The following MKLN1 variants were observed in gnomAD, a reference collection of about 807,000 sequenced individuals.
MKLN1 encodes the protein muskelin 1, also known as muskelin.
Under a neutral mutation model 99.0 loss-of-function variants are expected in MKLN1, and 18 were observed. The observed-to-expected ratio is 0.18, with a 90% CI of 0.13 to 0.27. The LOEUF (loss-of-function observed/expected upper bound fraction) is 0.27. Ranked by LOEUF, MKLN1 falls within the 10% of genes least tolerant of loss-of-function variation. The probability of loss-of-function intolerance (pLI) is 1.00; values close to 1 mark genes in which losing one functional copy is unlikely to be tolerated. For missense variants in MKLN1, 621 were observed against 875.9 expected, an observed-to-expected ratio of 0.71 and a Z score of 3.67; for synonymous variants, 288 against 293.2, an observed-to-expected ratio of 0.98 and a Z score of 0.18.
intron 2 of MKLN1, among the ~76,000 whole-genome samples, chr7:131,168,003 T>C (rs114637860): frequency 0.011 from 1,731 of 152,336 alleles, 33 homozygotes; most frequent in African/African-American, 0.04. Flanking sequence ...AATGCTGATA[T>C]TAAATGAATT....
intron 1 of MKLN1, among the ~76,000 whole-genome samples, chr7:131,120,255 A>G (rs1428806424): frequency 6.6e-6 from 1 of 151,712 alleles, no homozygotes; most frequent in Non-Finnish European, 1.5e-5. Flanking sequence ...GCCAGTTGCA[A>G]TGGCTCACAC....
chr7:131,177,675 G>T (rs1796319524), intron 2 of MKLN1, among the ~76,000 whole-genome samples: 1 of 152,014 alleles, frequency 6.6e-6, no homozygotes, highest in Admixed American at 6.6e-5. Context: ...TACCACTATG[G>T]TTATAATTTC....
chr7:131,280,284 T>C (rs527802097), intron 3 of MKLN1, among the ~76,000 whole-genome samples: 28 of 152,360 alleles, frequency 1.8e-4, no homozygotes, highest in Non-Finnish European at 3.2e-4. Context: ...CAGGTTTCCA[T>C]GTGGACATAC....
intron 2 of MKLN1, among the ~76,000 whole-genome samples, chr7:131,161,951 G>C (rs1260383066): frequency 1.8e-5 from 1 of 54,424 alleles, no homozygotes; most frequent in Non-Finnish European, 3.2e-5. Context: ...ATATATATAC[G>C]TGTGTGTGTG....
intron 1 of MKLN1, among the ~76,000 whole-genome samples, chr7:131,363,307 C>T (rs1563312057): frequency 6.6e-6 from 1 of 151,842 alleles, no homozygotes; most frequent in African/African-American, 2.4e-5. Flanking sequence ...ATGTATTTTA[C>T]TGTTGTGGAA....
At chr7:131,336,538 G>A (rs1799255859) in intron 1 of MKLN1, among the ~76,000 whole-genome samples, 1 of 151,868 alleles carries the variant, frequency 6.6e-6, no homozygotes, top group Non-Finnish European at 1.5e-5. Flanking sequence ...GATTAATCAA[G>A]TGTTTTAAAA....
At chr7:131,229,715 G>C (rs905383862) in intron 3 of MKLN1, among the ~76,000 whole-genome samples, 1 of 151,982 alleles carries the variant, frequency 6.6e-6, no homozygotes, top group South Asian at 2.1e-4. Flanking sequence ...GCCTCCACAG[G>C]CTGCTGATTT....
At chr7:131,290,082 G>T (rs1798194384) in intron 3 of MKLN1, among the ~76,000 whole-genome samples, 1 of 152,302 alleles carries the variant, frequency 6.6e-6, no homozygotes, top group South Asian at 2.1e-4. Flanking sequence ...AAGGCAGGTG[G>T]ATTACTTGAG....
intron 1 of MKLN1, among the ~76,000 whole-genome samples, chr7:131,370,461 ATTC>A (rs1282138104): frequency 3.1e-5 from 4 of 129,240 alleles, no homozygotes; most frequent in African/African-American, 8.8e-5. Flanking sequence ...TCCTGTCACT[ATTC>A]TTTTTTTTTT....
intron 6 of MKLN1, among the ~76,000 whole-genome samples, chr7:131,408,496 A>G (rs1332198202): frequency 1.3e-5 from 2 of 152,214 alleles, no homozygotes; most frequent in Non-Finnish European, 2.9e-5. Flanking sequence ...ACATACAACT[A>G]GGCAGCAGTA....
intron 3 of MKLN1, among the ~76,000 whole-genome samples, chr7:131,289,526 C>A (rs1026889550): frequency 6.6e-6 from 1 of 152,168 alleles, no homozygotes; most frequent in Non-Finnish European, 1.5e-5. Flanking sequence ...GCTACAGGAT[C>A]TAGTACCCAC....
At chr7:131,478,834 A>G (rs1797039438) in intron 17 of MKLN1, 157 bp downstream of exon 17, 2 of 874,838 alleles carry the variant, frequency 2.3e-6, no homozygotes, top group South Asian at 1.5e-5. Context: ...ATAACCTGCT[A>G]CAAGGTTGCT....
At position 131,349,521 on chromosome 7, in the gene MKLN1, A is replaced by G. The variant is rs372683129; in HGVS notation, c.98+21524A>G. 1.1e-4 allele frequency among the ~76,000 whole-genome samples: 17 copies of G among 152,166 alleles called. 1 individual carries two copies. Among genetic ancestry groups the G allele is most frequent in the Admixed American group, 9.2e-4 (14 of 15,280 alleles). On this transcript the variant is annotated intron_variant, in intron 1 of 17. Coordinates refer to ENST00000352689, the MANE Select transcript of MKLN1 (RefSeq NM_013255.5). Reference sequence around the variant, plus strand: ...AAATCTTTCTAATCCCTCTGTGAATATATTGTTATATTGTCTGAGGTTTGA... The same window carrying G: ...AAATCTTTCTAATCCCTCTGTGAATGTATTGTTATATTGTCTGAGGTTTGA...
chr7:131,381,161 T>C (rs1793836032), intron 2 of MKLN1, among the ~76,000 whole-genome samples: 1 of 152,162 alleles, frequency 6.6e-6, no homozygotes, highest in Non-Finnish European at 1.5e-5. Context: ...GGCATATCAT[T>C]TACTTAAACT....
chr7:131,259,322 A>G (rs926947963), intron 3 of MKLN1, among the ~76,000 whole-genome samples: 4 of 152,144 alleles, frequency 2.6e-5, no homozygotes, highest in Non-Finnish European at 5.9e-5. Context: ...GCATAAGCCC[A>G]GTGTACTCAG....
chr7:131,441,719 A>G (rs1795846827), intron 10 of MKLN1, among the ~76,000 whole-genome samples: 1 of 152,260 alleles, frequency 6.6e-6, no homozygotes, highest in Admixed American at 6.5e-5. Context: ...ACAAATGAGA[A>G]TAAACCACAT....
intron 8 of MKLN1, among the ~76,000 whole-genome samples, chr7:131,415,588 GT>G (rs1794996659): frequency 6.6e-6 from 1 of 152,156 alleles, no homozygotes; most frequent in African/African-American, 2.4e-5. Flanking sequence ...GTTTGAGACT[GT>G]TATTAGGGTC....
intron 2 of MKLN1, among the ~76,000 whole-genome samples, chr7:131,164,803 A>G (rs1796100541): frequency 6.6e-6 from 1 of 152,248 alleles, no homozygotes; most frequent in African/African-American, 2.4e-5. Flanking sequence ...TGGGAATCAG[A>G]TGACCTGAAT....
At chr7:131,268,468 A>G (rs866221702) in intron 3 of MKLN1, among the ~76,000 whole-genome samples, 107 of 152,136 alleles carry the variant, frequency 7.0e-4, no homozygotes, top group African/African-American at 2.4e-3. Flanking sequence ...TCCAATACGG[A>G]TTGGTAGAGG....
Sources: gnomAD v4.1 joint callset for allele counts (sites outside exome capture counted in the v4.1 genomes callset) on GRCh38, gnomAD v4.1.1 for gene constraint, MANE v1.5 for transcripts, NCBI Gene and HGNC (gene_info 2026-07-23, HGNC 2026-07-21) for gene names.